The following TRPM3 variants were observed in gnomAD, a reference collection of about 807,000 sequenced individuals.
The protein encoded by TRPM3 is long transient receptor potential channel 3.
TRPM3 carries 77 observed loss-of-function variants against 181.2 expected under a neutral mutation model. The observed-to-expected ratio is 0.42, with a 90% confidence interval of 0.35 to 0.51. TRPM3 has a LOEUF of 0.51. TRPM3 is among the 20% of genes least tolerant of loss of function. TRPM3 has a pLI of 0.01. For missense variants in TRPM3, 1,759 were observed against 2,196.7 expected (o/e 0.80, Z 3.98); for synonymous variants, 745 against 796.4 (o/e 0.94, Z 1.09).
At chr9:71,213,097 A>G (rs1041423959) in intron 1 of TRPM3, among the ~76,000 whole-genome samples, 1 of 152,246 alleles carries the variant, frequency 6.6e-6, no homozygotes, top group Non-Finnish European at 1.5e-5. Context: ...ATGGCCAGCT[A>G]GGAAATATTT....
Position 70,863,161 on chromosome 9 carries a change from G to T in TRPM3, c.258-49C>A, listed in dbSNP as rs74443861. ...AACCCCTGGTATTAGTCACTATTGG[G>T]ATACACACTTAAGGCAACCAGCTGG... On this transcript the variant is annotated intron_variant, in intron 2 of 25. Coordinates refer to ENST00000677713, the MANE Select transcript of TRPM3 (RefSeq NM_001366145.2). The T allele has an allele frequency of 1.1e-3, 1,690 of 1,537,174 alleles. 27 individuals are homozygous for T. In the African/African-American group the frequency reaches 0.021, roughly 19 times the overall value.
chr9:70,918,710 T>C (rs902273660), intron 1 of TRPM3, among the ~76,000 whole-genome samples: 2 of 151,768 alleles, frequency 1.3e-5, no homozygotes, highest in African/African-American at 4.8e-5. Flanking sequence ...CTTAAAGCAA[T>C]AGAAAAGTAA....
chr9:71,391,002 A>C (rs2093048991), intron 1 of TRPM3, among the ~76,000 whole-genome samples: 1 of 151,998 alleles, frequency 6.6e-6, no homozygotes, highest in Non-Finnish European at 1.5e-5. Context: ...TGAGACACAA[A>C]GTCAGAGATA....
At chr9:71,392,952 T>C in intron 1 of TRPM3, among the ~76,000 whole-genome samples, 1 of 152,100 alleles carries the variant, frequency 6.6e-6, no homozygotes, top group East Asian at 1.9e-4. Flanking sequence ...TATAGAACAA[T>C]GTAGAAAGTA....
chr9:70,754,600 C>A (rs995255530), intron 8 of TRPM3, among the ~76,000 whole-genome samples: 1 of 152,100 alleles, frequency 6.6e-6, no homozygotes, highest in Non-Finnish European at 1.5e-5. Context: ...GGCCACAGCA[C>A]CCAGAGGCCC....
intron 1 of TRPM3, among the ~76,000 whole-genome samples, chr9:71,391,000 A>G (rs562998120): frequency 6.6e-6 from 1 of 152,116 alleles, no homozygotes; most frequent in East Asian, 1.9e-4. Context: ...ACTGAGACAC[A>G]AAGTCAGAGA....
intron 5 of TRPM3, among the ~76,000 whole-genome samples, chr9:70,828,803 T>C (rs1335137696): frequency 5.9e-5 from 9 of 151,426 alleles, no homozygotes; most frequent in African/African-American, 2.2e-4. Flanking sequence ...AAATAGATGC[T>C]ATTGTGTTCA....
chr9:71,065,784 C>A (rs369252712), intron 1 of TRPM3, among the ~76,000 whole-genome samples: 151 of 152,292 alleles, frequency 9.9e-4, no homozygotes, highest in African/African-American at 2.7e-3. Flanking sequence ...ACTCTTCACA[C>A]AGAGTCTAAT....
At chr9:70,919,472 C>T (rs1227451675) in intron 1 of TRPM3, among the ~76,000 whole-genome samples, 1 of 152,174 alleles carries the variant, frequency 6.6e-6, no homozygotes, top group Admixed American at 6.5e-5. Context: ...ATTTTCATCA[C>T]TTTCCTCAGC....
intron 9 of TRPM3, among the ~76,000 whole-genome samples, chr9:70,679,572 T>TGC (rs2064903442): frequency 6.6e-6 from 1 of 151,520 alleles, no homozygotes; most frequent in Non-Finnish European, 1.5e-5. Context: ...ATGCGTTTTT[T>TGC]ATCTCCATAC....
chr9:71,160,148 C>T (rs2076209072), intron 1 of TRPM3, among the ~76,000 whole-genome samples: 1 of 152,138 alleles, frequency 6.6e-6, no homozygotes, highest in Non-Finnish European at 1.5e-5. Flanking sequence ...GGCCTTGTAA[C>T]TCTTTTCCTG....
intron 1 of TRPM3, among the ~76,000 whole-genome samples, chr9:71,127,957 C>G (rs665576): frequency 0.79 from 120,875 of 152,184 alleles, 49,291 homozygotes; most frequent in Non-Finnish European, 0.88. Flanking sequence ...CCCACACATG[C>G]TAAGAGCTAG....
intron 1 of TRPM3, among the ~76,000 whole-genome samples, chr9:71,288,434 G>A (rs1396176434): frequency 6.6e-6 from 1 of 152,032 alleles, no homozygotes; most frequent in African/African-American, 2.4e-5. Context: ...GAGACAAACA[G>A]ACAAAGTTCA....
chr9:70,881,718 A>G (rs1002562005), intron 1 of TRPM3, among the ~76,000 whole-genome samples: 1 of 152,212 alleles, frequency 6.6e-6, no homozygotes, highest in African/African-American at 2.4e-5. Context: ...TGACATTGCA[A>G]TGGTGCTTTT....
intron 3 of TRPM3, among the ~76,000 whole-genome samples, chr9:70,857,909 T>C (rs780498615): frequency 3.3e-5 from 5 of 152,160 alleles, no homozygotes; most frequent in Non-Finnish European, 5.9e-5. Flanking sequence ...AATTGCTGCA[T>C]CCAATCTCTC....
intron 1 of TRPM3, among the ~76,000 whole-genome samples, chr9:71,314,313 T>G: frequency 6.6e-6 from 1 of 152,176 alleles, no homozygotes; most frequent in Non-Finnish European, 1.5e-5. Flanking sequence ...TGATAGCATT[T>G]TATCAAACTT....
intron 1 of TRPM3, among the ~76,000 whole-genome samples, chr9:70,934,305 T>C (rs907812444): frequency 1.3e-5 from 2 of 152,150 alleles, no homozygotes; most frequent in African/African-American, 4.8e-5. Flanking sequence ...CTAAGAGTTG[T>C]GGCATTGTTC....
intron 1 of TRPM3, among the ~76,000 whole-genome samples, chr9:70,922,473 A>G (rs1008617478): frequency 6.6e-6 from 1 of 152,240 alleles, no homozygotes; most frequent in Non-Finnish European, 1.5e-5. Flanking sequence ...AATGTTATAT[A>G]ATTTATATCT....
chr9:71,197,518 C>G (rs529230831), intron 1 of TRPM3, among the ~76,000 whole-genome samples: 4 of 151,986 alleles, frequency 2.6e-5, no homozygotes, highest in African/African-American at 9.6e-5. Context: ...TTCTCCACAT[C>G]CTCTCCAGCA....
Sources: gnomAD v4.1 joint callset for allele counts (sites outside exome capture counted in the v4.1 genomes callset) on GRCh38, gnomAD v4.1.1 for gene constraint, MANE v1.5 for transcripts, NCBI Gene and HGNC (gene_info 2026-07-23, HGNC 2026-07-21) for gene names.